The following PRSS23 variants were observed in gnomAD, a reference collection of about 807,000 sequenced individuals.
PRSS23 encodes protease, serine 23.
A neutral mutation model predicts 34.7 loss-of-function variants in PRSS23; 25 were observed. The ratio of observed to expected loss-of-function variants is 0.72; its 90% confidence interval spans 0.53 to 1.01. The LOEUF (loss-of-function observed/expected upper bound fraction) is 1.01, where lower values mean the gene tolerates loss of function less well. Among genes scored for constraint, PRSS23 ranks in the 50% least tolerant of loss-of-function variants. PRSS23 has a pLI of 0.00. For synonymous variants in PRSS23, 176 were observed against 186.6 expected, an observed-to-expected ratio of 0.94 and a Z score of 0.46; for missense variants, 445 against 475.6, an observed-to-expected ratio of 0.94 and a Z score of 0.60.
At chr11:86,799,882 C>G (rs1948009142), upstream of PRSS23, among the ~76,000 whole-genome samples, 1 of 152,220 alleles carries the variant, frequency 6.6e-6, no homozygotes, top group Admixed American at 6.5e-5. Context: ...ACGCACAGCA[C>G]TGAGTGCTGT....
At position 86,838,530 on chromosome 11, in the gene PRSS23, C is replaced by G. The variant is rs548534974; in HGVS notation, c.206+14937C>G. On this transcript the variant is annotated intron_variant, in intron 2 of 2. Coordinates refer to the PRSS23 transcript ENST00000533902. Reference sequence around the variant, plus strand: ...AGGCCTACTGCCTCTCTAGATTTCACTTCTGGGGGCAGGGCATAGCAGAAC... The same window carrying G: ...AGGCCTACTGCCTCTCTAGATTTCAGTTCTGGGGGCAGGGCATAGCAGAAC... Among the ~76,000 whole-genome samples, 7 of 152,342 alleles carry G rather than the reference C, an allele frequency of 4.6e-5. No individual in the cohort carries two copies. The South Asian group carries it at 1.4e-3, about 32-fold the overall frequency.
intron 2 of PRSS23, among the ~76,000 whole-genome samples, chr11:86,923,128 CTTT>C (rs34997377): frequency 1.4e-4 from 18 of 127,712 alleles, no homozygotes; most frequent in Non-Finnish European, 1.9e-4. Context: ...TTCCTGTCTA[CTTT>C]TTTTTTTTTT....
intron 2 of PRSS23, among the ~76,000 whole-genome samples, chr11:86,825,327 G>C (rs537461817): frequency 1.3e-5 from 2 of 151,912 alleles, no homozygotes; most frequent in East Asian, 3.9e-4. Context: ...TGATGGGGTT[G>C]TTTGTTTTTT....
intron 2 of PRSS23, chr11:86,857,199 G>C: frequency 3.1e-6 from 1 of 325,160 alleles, no homozygotes; most frequent in South Asian, 3.4e-5. Flanking sequence ...CTCCATTCCT[G>C]GGAGATGATG....
upstream of PRSS23, among the ~76,000 whole-genome samples, chr11:86,798,435 G>T (rs991173773): frequency 6.6e-6 from 1 of 152,212 alleles, no homozygotes; most frequent in African/African-American, 2.4e-5. Flanking sequence ...TGTGGGCAAA[G>T]GAGATATGGT....
At chr11:86,858,782 T>G (rs1039142927) in intron 2 of PRSS23, among the ~76,000 whole-genome samples, 2 of 151,742 alleles carry the variant, frequency 1.3e-5, no homozygotes, top group African/African-American at 4.9e-5. Context: ...ACTCCCAATA[T>G]CGCAGAGGGT....
At chr11:86,823,140 G>A (rs974570876) in intron 1 of PRSS23, among the ~76,000 whole-genome samples, 1 of 152,162 alleles carries the variant, frequency 6.6e-6, no homozygotes, top group African/African-American at 2.4e-5. Context: ...GGCTACATCT[G>A]GTGACCAGAC....
intron 2 of PRSS23, among the ~76,000 whole-genome samples, chr11:86,927,625 G>T (rs1266984495): frequency 6.6e-6 from 1 of 152,064 alleles, no homozygotes; most frequent in Non-Finnish European, 1.5e-5. Context: ...GGGATTACAG[G>T]CATAAGCCAC....
chr11:86,836,176 A>G (rs1948404049), intron 2 of PRSS23, among the ~76,000 whole-genome samples: 1 of 152,088 alleles, frequency 6.6e-6, no homozygotes, highest in South Asian at 2.1e-4. Context: ...CTCATTGATA[A>G]TCCTGAGATC....
intron 2 of PRSS23, among the ~76,000 whole-genome samples, chr11:86,865,438 A>G (rs1285042948): frequency 1.3e-5 from 2 of 152,226 alleles, no homozygotes; most frequent in Non-Finnish European, 2.9e-5. Context: ...ATGTTGTTTC[A>G]GCAAGTTCTG....
rs976379793 is a variant in PRSS23 at position 86,808,840 on chromosome 11, A to G, written c.*45A>G. ...AGCAATTAAGGGTCTTCATGTTCTT[A>G]TTTTAGGAGAGGCCAAATTGTTTTT... On this transcript the variant is annotated 3_prime_UTR_variant, in exon 2 of 2. Coordinates refer to ENST00000280258, the MANE Select transcript of PRSS23 (RefSeq NM_007173.6). 6 of 1,522,052 alleles carry G rather than the reference A, an allele frequency of 3.9e-6. No homozygotes were observed. Among genetic ancestry groups the G allele is most frequent in the Admixed American group, 2.0e-5 (1 of 50,004 alleles). The allele number at this position is 1,522,052 out of a possible 1,614,324, so 94.3% of individuals were successfully genotyped here.
Position 86,808,048 on chromosome 11 carries a change from C to G in PRSS23, c.405C>G (p.Ser135Arg), listed in dbSNP as rs143530823. Residue 135 changes from serine (S) to arginine (R), a missense_variant, in exon 2 of 2, where the codon AGC becomes AGG. Transcript: ENST00000280258. The stretch of plus-strand genomic sequence containing the variant: ...AGCGGCAGATTTATGGCTATGACAG[C>G]AGGTTCAGCATTTTTGGGAAGGACT... ...RRKRQIYGYD[S>R]RFSIFGKDFL... The G allele has an allele frequency of 1.2e-6, 2 of 1,613,970 alleles. No homozygotes were observed. Among genetic ancestry groups the G allele is most frequent in the Non-Finnish European group, 1.7e-6 (2 of 1,180,026 alleles).
chr11:86,864,385 G>T (rs1361172533), intron 2 of PRSS23, among the ~76,000 whole-genome samples: 1 of 152,218 alleles, frequency 6.6e-6, no homozygotes, highest in Non-Finnish European at 1.5e-5. Flanking sequence ...GTTGGAGGCT[G>T]GCGGTTCATG....
intron 2 of PRSS23, among the ~76,000 whole-genome samples, chr11:86,887,918 G>A (rs1948814428): frequency 6.6e-6 from 1 of 152,042 alleles, no homozygotes; most frequent in African/African-American, 2.4e-5. Context: ...CGTGTGTGGT[G>A]GCGGGCGCCT....
chr11:86,875,356 A>C (rs1422927838), intron 2 of PRSS23, among the ~76,000 whole-genome samples: 1 of 152,158 alleles, frequency 6.6e-6, no homozygotes, highest in Admixed American at 6.5e-5. Flanking sequence ...GGGCAACAAG[A>C]GCGAAACTCT....
chr11:86,805,214 A>G (rs1379196231), intron 1 of PRSS23, among the ~76,000 whole-genome samples: 1 of 152,180 alleles, frequency 6.6e-6, no homozygotes, highest in East Asian at 1.9e-4. Context: ...CAACTTATAT[A>G]GAGAAAAGGC....
chr11:86,945,634 GTGGC>G (rs1949236383), intron 2 of PRSS23: 1 of 152,546 alleles, frequency 6.6e-6, no homozygotes, highest in Non-Finnish European at 1.5e-5. Flanking sequence ...ATGCTTCCTA[GTGGC>G]TGTCATATAC....
At chr11:86,874,476 G>A (rs1324896781) in intron 2 of PRSS23, among the ~76,000 whole-genome samples, 1 of 152,176 alleles carries the variant, frequency 6.6e-6, no homozygotes, top group Non-Finnish European at 1.5e-5. Flanking sequence ...AACACAGTAA[G>A]AGATTTGAGT....
intron 2 of PRSS23, among the ~76,000 whole-genome samples, chr11:86,859,745 C>T (rs757134638): frequency 6.6e-6 from 1 of 151,888 alleles, no homozygotes; most frequent in South Asian, 2.1e-4. Context: ...TGATATAACT[C>T]CCAATATCAC....
Sources: gnomAD v4.1 joint callset for allele counts (sites outside exome capture counted in the v4.1 genomes callset) on GRCh38, gnomAD v4.1.1 for gene constraint, MANE v1.5 for transcripts, NCBI Gene and HGNC (gene_info 2026-07-23, HGNC 2026-07-21) for gene names.